HR: variants seen among roughly 807,000 people sequenced by gnomAD.
The protein encoded by HR is HR lysine demethylase and nuclear receptor corepressor, also known as lysine-specific demethylase hairless.
In HR, 83 loss-of-function variants were observed where a neutral mutation model predicts 128.6. The ratio of observed to expected loss-of-function variants is 0.65; its 90% CI spans 0.54 to 0.77. The LOEUF is 0.77. Ranked by LOEUF, HR falls within the 30% of genes least tolerant of loss-of-function variation. The pLI is 0.00. For synonymous variants in HR, 681 were observed against 658.2 expected (o/e 1.03, Z -0.53); for missense variants, 1,490 against 1,574.6 (o/e 0.95, Z 0.91).
At chr8:22,127,860 C>G in intron 2 of HR, 31 bp from the exon 3 acceptor site, 1 of 1,593,480 alleles carries the variant, frequency 6.3e-7, no homozygotes, top group African/African-American at 1.3e-5. Context: ...TACGCTTCAG[C>G]TGACTTGGGC....
chr8:22,118,338 CT>C, intron 16 of HR: 1 of 155,564 alleles, frequency 6.4e-6, no homozygotes, highest in Non-Finnish European at 1.4e-5. Context: ...ACCCCATCAC[CT>C]TCCCCTTCCC....
rs906125472 is a variant in HR, at chr8:22,127,846, G to A, written c.613-17C>T. ...GTAAAAGCCCTAAAGAGGGGAGAAA[G>A]TGTTACGCTTCAGCTGACTTGGGCT... is the stretch of plus-strand genomic sequence containing the variant. On this transcript the variant is annotated splice_polypyrimidine_tract_variant and intron_variant, in intron 2 of 18. Transcript: ENST00000381418. The A allele has an allele frequency of 5.0e-6, 8 of 1,598,096 alleles. No homozygotes were observed. The African/African-American group carries it at 1.1e-4, about 21-fold the overall frequency.
Position 22,122,822 on chromosome 8 carries a change from G to A in HR, c.1973C>T (p.Ser658Phe), listed in dbSNP as rs372721266. 1.3e-6 allele frequency: 2 copies of A among 1,556,042 alleles called. No homozygotes were observed. Among genetic ancestry groups the A allele is most frequent in the Non-Finnish European group, 1.7e-6 (2 of 1,149,954 alleles). ...CTQEAGHAAC[S>F]LMLTQFVSSQ... ...GGAGACAAACTGGGTCAGCATCAGG[G>A]AACAGGCAGCGTGCCCGGCCTCCTG... Residue 658 changes from serine to phenylalanine, a missense_variant, in exon 7 of 19, where the codon TCC becomes TTC. This residue lies in a region of HR where 1,060 missense variants were observed against 1,060.9 expected (regional missense o/e 1.00). Transcript: ENST00000381418.
rs1257114132 is a variant in HR, at chr8:22,114,530, C to A, written c.*1170G>T. ...TTTTTCTTTGTAGGGCTGAGATACA[C>A]AAAGGAAGCGGGAGAGGGCGGAGCG... On this transcript the variant is annotated 3_prime_UTR_variant, in exon 19 of 19. Transcript: ENST00000381418. The A allele has an allele frequency of 6.5e-6, 1 of 152,732 alleles. No individual in the cohort carries two copies. The highest frequency in any genetic ancestry group is 2.1e-4 in the South Asian group (1 of 4,824). 9.5% of individuals were successfully genotyped at this position (152,732 alleles called of 1,614,324 possible). A position where few individuals can be genotyped will look rare whatever the true frequency, so the allele number is the denominator to read the frequency against.
intron 3 of HR, 96 bp downstream of exon 3, chr8:22,126,941 T>C (rs1246207107): frequency 8.8e-6 from 11 of 1,249,514 alleles, no homozygotes; most frequent in Middle Eastern, 2.8e-4. Flanking sequence ...CTGGTTGTGG[T>C]CCACTCATAA....
rs532974682 is a variant in HR at position 22,124,118 on chromosome 8, AATT to A, written c.1751-308_1751-306del. ...CCCAGGGACTTCCCCACTGGCCCTG[AATT>A]ATTAATCCACACCACTTCTAGCACA... On this transcript the variant is annotated intron_variant, in intron 5 of 18. Coordinates refer to ENST00000381418, the MANE Select transcript of HR (RefSeq NM_005144.5). Among the ~76,000 whole-genome samples, 6 of 152,278 alleles carry A rather than the reference AATT, an allele frequency of 3.9e-5. 1 individual carries two copies. In the South Asian group the frequency reaches 1.2e-3, roughly 32 times the overall value.
At position 22,120,418 on chromosome 8, in the gene HR, C is replaced by G; in HGVS notation, c.2700G>C (p.Ala900=). 1.2e-6 allele frequency: 2 copies of G among 1,613,978 alleles called. No homozygotes were observed. The highest frequency in any genetic ancestry group is 1.7e-5 in the Admixed American group (1 of 60,034). ...GCTGGGGAGGTCCGAGGGGGCTCAG[C>G]GCCTGCACCTGGCCTCCAAGTGCCC... ...ALGALGGQVQ[A]LSPLGPPQPS... is the part of the protein sequence containing the mutation. The change falls in exon 12 of 19, where the codon GCG becomes GCC. Residue 900 remains alanine, a synonymous_variant. Coordinates refer to ENST00000381418, the MANE Select transcript of HR (RefSeq NM_005144.5).
chr8:22,123,617 T>TTTGGGGGCCCC, intron 6 of HR, 32 bp downstream of exon 6: 1 of 292,092 alleles, frequency 3.4e-6, no homozygotes, highest in Non-Finnish European at 6.2e-6. Context: ...GAGGGCTCCA[T>TTTGGGGGCCCC]CCCGCCCTCC....
chr8:22,120,002 GA>G, intron 13 of HR, 101 bp downstream of exon 13: 2 of 1,585,696 alleles, frequency 1.3e-6, no homozygotes, highest in Non-Finnish European at 1.7e-6. Context: ...GAGTACCAGG[GA>G]CCACGGGGTG....
rs772762396 is a variant in HR, at chr8:22,120,823, C to T, written c.2503G>A (p.Val835Met). Residue 835 changes from valine to methionine, a missense_variant, in exon 11 of 19, where the codon GTG (valine) becomes ATG (methionine). By Grantham distance (21) the Val-to-Met change is conservative. This residue lies in a region of HR where 423 missense variants were observed against 495.9 expected (regional missense o/e 0.85). Transcript: ENST00000381418. ...RKGLGLPLSPVRPRLPPPGAL... is the reference protein window; with the variant it reads ...RKGLGLPLSPMRPRLPPPGAL... The stretch of plus-strand genomic sequence containing the variant: ...CCTGGGGGAGGCAGCCGGGGCCGCA[C>T]TGGAGAGAGGGGCAGGCCCAGGCCC... 6.4e-7 allele frequency: 1 copy of T among 1,551,078 alleles called. No individual in the cohort carries two copies. The highest frequency in any genetic ancestry group is 8.7e-7 in the Non-Finnish European group (1 of 1,147,164).
rs1358947157 is a variant in HR at position 22,117,058 on chromosome 8, G to A, written c.3214-19C>T. ...GGCACACCTCAAAGAAGAGAAGGGG[G>A]AATGAGCGAGATGGGGAGGGAAGGG... On this transcript the variant is annotated intron_variant, in intron 16 of 18. Coordinates refer to ENST00000381418, the MANE Select transcript of HR (RefSeq NM_005144.5). 2.0e-6 allele frequency: 3 copies of A among 1,474,248 alleles called. No individual in the cohort carries two copies. Among genetic ancestry groups the A allele is most frequent in the Non-Finnish European group, 2.7e-6 (3 of 1,117,966 alleles). 91.3% of individuals were successfully genotyped at this position (1,474,248 alleles called of 1,614,324 possible).
At chr8:22,120,610 C>A in intron 11 of HR, 103 bp from the exon 12 acceptor site, 1 of 1,580,396 alleles carries the variant, frequency 6.3e-7, no homozygotes, top group Non-Finnish European at 8.6e-7. Flanking sequence ...CGGGGACAGC[C>A]CTCCTGCTCC....
intron 5 of HR, 66 bp downstream of exon 5, chr8:22,125,245 T>C: frequency 6.7e-7 from 1 of 1,503,182 alleles, no homozygotes; most frequent in Non-Finnish European, 9.0e-7. Context: ...GTGGGTGGGG[T>C]CAGGGGAGGG....
chr8:22,125,029 A>G (rs1165906491), intron 5 of HR, among the ~76,000 whole-genome samples: 1 of 152,192 alleles, frequency 6.6e-6, no homozygotes, highest in Admixed American at 6.5e-5. Context: ...TCAGCCCTCC[A>G]GGCCCGGGAG....
Position 22,129,173 on chromosome 8 carries a change from C to G in HR, c.-3G>C, listed in dbSNP as rs1826986816. On this transcript the variant is annotated 5_prime_UTR_variant, in exon 2 of 19. Transcript: ENST00000381418. ...AGGAAGCTGGGCGTACTCTCCATCA[C>G]TCTCCTGCCCTCATGGGGCTCTCCC... 1.3e-6 allele frequency: 2 copies of G among 1,524,296 alleles called. No individual in the cohort carries two copies. The highest frequency in any genetic ancestry group is 2.2e-5 in the Admixed American group (1 of 44,992). The allele number at this position is 1,524,296 out of a possible 1,614,324, so 94.4% of individuals were successfully genotyped here.
At chr8:22,126,131 G>A (rs750313495) in intron 3 of HR, among the ~76,000 whole-genome samples, 5 of 152,210 alleles carry the variant, frequency 3.3e-5, no homozygotes, top group East Asian at 1.9e-4. Context: ...GGAGGGCGCC[G>A]GAAGGTGAGA....
rs1308609417 is a variant in HR at position 22,115,072 on chromosome 8, A to C, written c.*628T>G. The C allele has an allele frequency of 6.2e-6, 1 of 160,266 alleles. No homozygotes were observed. Among genetic ancestry groups the C allele is most frequent in the African/African-American group, 2.4e-5 (1 of 41,606 alleles). 9.9% of individuals were successfully genotyped at this position (160,266 alleles called of 1,614,324 possible). A position where few individuals can be genotyped will look rare whatever the true frequency, so the allele number is the denominator to read the frequency against. ...GGCCAACCACACTGGCAGCAGTCAC[A>C]AAACAACAGACTTTAATGGAAATCA... is the stretch of plus-strand genomic sequence containing the variant. On this transcript the variant is annotated 3_prime_UTR_variant, in exon 19 of 19. Coordinates refer to ENST00000381418, the MANE Select transcript of HR (RefSeq NM_005144.5).
At position 22,116,285 on chromosome 8, in the gene HR, C is replaced by T; in HGVS notation, c.3507+15G>A. On this transcript the variant is annotated intron_variant, in intron 18 of 18. Transcript: ENST00000381418. The surrounding 1 kb of genome is among the most constrained non-coding windows in gnomAD (Gnocchi z 4.2). ...TGGGTAGCACACCCAGCCTGCTGGC[C>T]CACATCCCACTCACCTGGGCATAAA... The T allele has an allele frequency of 6.2e-7, 1 of 1,611,800 alleles. No individual in the cohort carries two copies.
chr8:22,117,120 G>T (rs767479997), intron 16 of HR, 81 bp from the exon 17 acceptor site: 63 of 1,348,002 alleles, frequency 4.7e-5, no homozygotes, highest in Non-Finnish European at 5.3e-5. Context: ...ACTTTCCAGA[G>T]GCCAGGGGTG....
Sources: gnomAD v4.1 joint callset for allele counts (sites outside exome capture counted in the v4.1 genomes callset) on GRCh38, gnomAD v4.1.1 for gene constraint, gnomAD v4.1.1 regional missense constraint, Gnocchi (gnomAD v3.1) non-coding constraint, MANE v1.5 for transcripts, NCBI Gene and HGNC (gene_info 2026-07-23, HGNC 2026-07-21) for gene names.